Variants in MBNL1 observed in about 807,000 individuals in gnomAD.
MBNL1 encodes the protein muscleblind-like protein 1.
Under a neutral mutation model 42.2 loss-of-function variants are expected in MBNL1, and 8 were observed. The ratio of observed to expected loss-of-function variants is 0.19; its 90% CI spans 0.11 to 0.34. MBNL1 has a LOEUF of 0.34. Ranked by LOEUF, MBNL1 falls within the 10% of genes least tolerant of loss-of-function variation. The pLI is 1.00. For missense variants in MBNL1, 309 were observed against 495.3 expected (o/e 0.62, Z 3.57); for synonymous variants, 169 against 173.9 (o/e 0.97, Z 0.22).
chr3:152,394,793 T>C (rs1310172994), intron 2 of MBNL1, among the ~76,000 whole-genome samples: 11 of 152,228 alleles, frequency 7.2e-5, no homozygotes, highest in African/African-American at 2.4e-4. Context: ...ATGGGTGTTA[T>C]GTCCAGTACT....
intron 2 of MBNL1, among the ~76,000 whole-genome samples, chr3:152,338,853 A>T (rs1160289928): frequency 1.3e-5 from 2 of 152,178 alleles, no homozygotes; most frequent in Non-Finnish European, 2.9e-5. Context: ...TTTGTGTGAG[A>T]TTCACATTAG....
rs983957305 is a variant in MBNL1, at chr3:152,465,567, A to G, written c.*3201A>G. 1 of 152,580 alleles carries G rather than the reference A, an allele frequency of 6.6e-6. No individual in the cohort carries two copies. Among genetic ancestry groups the G allele is most frequent in the African/African-American group, 2.4e-5 (1 of 41,432 alleles). 9.5% of individuals were successfully genotyped at this position (152,580 alleles called of 1,614,324 possible). A position where few individuals can be genotyped will look rare whatever the true frequency, so the allele number is the denominator to read the frequency against. On this transcript the variant is annotated 3_prime_UTR_variant, in exon 10 of 10. Transcript: ENST00000324210. The stretch of plus-strand genomic sequence containing the variant: ...GTTAAAAATGTTGCACTTATCAGCA[A>G]CCCTACCACTTTCATCTGCTGAAAG...
At chr3:152,262,499 A>G (rs2036463460) in intron 2 of MBNL1, 1 of 152,228 alleles carries the variant, frequency 6.6e-6, no homozygotes, top group Non-Finnish European at 1.5e-5. Context: ...AAAGGAAAGG[A>G]ACCTCAAGAA....
chr3:152,417,016 G>A (rs2098713129), intron 3 of MBNL1, among the ~76,000 whole-genome samples: 1 of 152,130 alleles, frequency 6.6e-6, no homozygotes, highest in Non-Finnish European at 1.5e-5. Context: ...TCTGCTAAAG[G>A]TATCCTGAGA....
intron 1 of MBNL1, among the ~76,000 whole-genome samples, chr3:152,281,633 G>C (rs62272731): frequency 0.021 from 3,185 of 152,188 alleles, 67 homozygotes; most frequent in Non-Finnish European, 0.028. Context: ...TACCACCTGT[G>C]AAGTTTCTGA....
chr3:152,330,421 G>T (rs2083540393), intron 2 of MBNL1, among the ~76,000 whole-genome samples: 1 of 152,062 alleles, frequency 6.6e-6, no homozygotes, highest in Non-Finnish European at 1.5e-5. Context: ...ATATTAGCAT[G>T]ACACCAGGAC....
intron 2 of MBNL1, among the ~76,000 whole-genome samples, chr3:152,350,736 T>TA (rs1210236752): frequency 6.6e-6 from 1 of 152,174 alleles, no homozygotes; most frequent in East Asian, 1.9e-4. Flanking sequence ...CATTCCCTAA[T>TA]ACTACCTGCA....
intron 2 of MBNL1, among the ~76,000 whole-genome samples, chr3:152,400,635 A>G (rs2098174647): frequency 6.6e-6 from 1 of 152,184 alleles, no homozygotes; most frequent in Non-Finnish European, 1.5e-5. Context: ...TTGTTTAGAA[A>G]TAACCCTGTG....
chr3:152,361,297 A>C lies in MBNL1; in HGVS notation c.175-53644A>C, dbSNP rs2095922217. On this transcript the variant is annotated intron_variant, in intron 2 of 9. Transcript: ENST00000324210. ...TTATCCAAGAAAGCAGTGGAGTATG[A>C]ACATCAGTGGAGTTCCCATGGTTCT... 2.6e-5 allele frequency among the ~76,000 whole-genome samples: 4 copies of C among 152,114 alleles called. No individual in the cohort carries two copies. The South Asian group carries it at 8.3e-4, about 32-fold the overall frequency.
chr3:152,359,631 A>G (rs2095795469), intron 2 of MBNL1, among the ~76,000 whole-genome samples: 1 of 152,204 alleles, frequency 6.6e-6, no homozygotes, highest in Non-Finnish European at 1.5e-5. Context: ...AGAGGCCAAG[A>G]TTTGAGAATC....
chr3:152,279,459 A>G (rs1018797909), intron 1 of MBNL1, among the ~76,000 whole-genome samples: 6 of 152,256 alleles, frequency 3.9e-5, no homozygotes, highest in African/African-American at 1.2e-4. Context: ...CACCCATACA[A>G]CAACTGACAT....
At chr3:152,395,962 A>G (rs1396778589) in intron 2 of MBNL1, among the ~76,000 whole-genome samples, 1 of 152,132 alleles carries the variant, frequency 6.6e-6, no homozygotes, top group Non-Finnish European at 1.5e-5. Flanking sequence ...TGATGAGTGG[A>G]TGAAGCTTCA....
intron 1 of MBNL1, among the ~76,000 whole-genome samples, chr3:152,291,395 A>C (rs1399835483): frequency 2.0e-5 from 3 of 152,336 alleles, no homozygotes; most frequent in Non-Finnish European, 4.4e-5. Context: ...AGGTATTTAA[A>C]TATGTTGCTA....
At chr3:152,353,721 C>T (rs1415138692) in intron 2 of MBNL1, among the ~76,000 whole-genome samples, 1 of 125,870 alleles carries the variant, frequency 7.9e-6, no homozygotes, top group Non-Finnish European at 1.6e-5. Flanking sequence ...ATGTGGTAGA[C>T]ATTTTAAAAC....
At chr3:152,279,680 G>A (rs939481155) in intron 1 of MBNL1, among the ~76,000 whole-genome samples, 7 of 152,062 alleles carry the variant, frequency 4.6e-5, no homozygotes, top group Non-Finnish European at 1.0e-4. Context: ...AGTGCATTTC[G>A]CAGTAGGTAG....
At chr3:152,322,998 C>T (rs2077298895) in intron 2 of MBNL1, among the ~76,000 whole-genome samples, 1 of 152,100 alleles carries the variant, frequency 6.6e-6, no homozygotes, top group African/African-American at 2.4e-5. Context: ...GATTCAGTAA[C>T]AGGTCAGCAA....
Position 152,253,299 on chromosome 3 carries a change from T to G in MBNL1, n.333+8859T>G, listed in dbSNP as rs528167137. On this transcript the variant is annotated intron_variant and non_coding_transcript_variant, in intron 2 of 2. Transcript: ENST00000477171. ...ACAGTATCCTTAATTTCATTCTCTCTTTTCCTCACCTACACTCCATCTATC... is the reference window on the plus strand; with the variant it reads ...ACAGTATCCTTAATTTCATTCTCTCGTTTCCTCACCTACACTCCATCTATC... 7.2e-5 allele frequency among the ~76,000 whole-genome samples: 11 copies of G among 152,164 alleles called. No individual in the cohort carries two copies. The South Asian group carries it at 2.3e-3, about 32-fold the overall frequency.
At chr3:152,374,642 A>G (rs897610789) in intron 2 of MBNL1, among the ~76,000 whole-genome samples, 1 of 152,252 alleles carries the variant, frequency 6.6e-6, no homozygotes, top group Admixed American at 6.5e-5. Context: ...AATTGAAGTC[A>G]CACTTATTAA....
intron 8 of MBNL1, chr3:152,458,205 T>A (rs1737608207): frequency 6.2e-6 from 10 of 1,612,812 alleles, no homozygotes; most frequent in Non-Finnish European, 8.5e-6. Flanking sequence ...TATGAGAAGC[T>A]TCATTATGCT....
Sources: gnomAD v4.1 joint callset for allele counts (sites outside exome capture counted in the v4.1 genomes callset) on GRCh38, gnomAD v4.1.1 for gene constraint, MANE v1.5 for transcripts, NCBI Gene and HGNC (gene_info 2026-07-23, HGNC 2026-07-21) for gene names.